Variants in ADGRG5 observed in about 807,000 individuals in gnomAD.
ADGRG5 encodes G protein-coupled receptor 114.
A neutral mutation model predicts 53.2 loss-of-function variants in ADGRG5; 37 were observed. The observed-to-expected ratio is 0.70, with a 90% CI of 0.53 to 0.91. ADGRG5 has a LOEUF of 0.91. Ranked by LOEUF, ADGRG5 falls within the 40% of genes least tolerant of loss-of-function variation. ADGRG5 has a pLI of 0.00. For synonymous variants in ADGRG5, 277 were observed against 290.4 expected, an observed-to-expected ratio of 0.95 and a Z score of 0.47; for missense variants, 614 against 675.8, an observed-to-expected ratio of 0.91 and a Z score of 1.01.
chr16:57,562,702 T>C (rs1284883758), intron 3 of ADGRG5: 1 of 556,224 alleles, frequency 1.8e-6, no homozygotes, highest in Non-Finnish European at 3.2e-6. Context: ...TGGGTCTCCA[T>C]GCATTTTCCT....
At chr16:57,561,371 A>G (rs1227078254) in intron 1 of ADGRG5, among the ~76,000 whole-genome samples, 2 of 152,076 alleles carry the variant, frequency 1.3e-5, no homozygotes, top group African/African-American at 4.8e-5. Context: ...TACCTCTCCC[A>G]TGGTAGGGTA....
chr16:57,531,014 G>A, the ADGRG5 span, among the ~76,000 whole-genome samples: 1 of 151,554 alleles, frequency 6.6e-6, no homozygotes, highest in East Asian at 2.0e-4. Context: ...AGCCTCCCAG[G>A]TGAACCCCCT....
intron 4 of ADGRG5, 99 bp from the exon 5 acceptor site, chr16:57,563,748 AC>A: frequency 6.7e-7 from 1 of 1,484,176 alleles, no homozygotes. Flanking sequence ...GTGGGTGGAA[AC>A]CCCAAGGAAG....
chr16:57,553,918 C>G (rs12708989), intron 1 of ADGRG5, among the ~76,000 whole-genome samples: 61,948 of 151,928 alleles, frequency 0.41, 13,031 homozygotes, highest in East Asian at 0.65. Flanking sequence ...CCATTTTTTT[C>G]TAAGAGTTTC....
chr16:57,575,712 C>G lies in ADGRG5; in HGVS notation c.*174C>G, dbSNP rs6499885. ...CAGGCACTGAGGGGAAGGCATTGCTCTACCTCTCCCTGACATTTTGCTCCG... is the reference window on the plus strand; with the variant it reads ...CAGGCACTGAGGGGAAGGCATTGCTGTACCTCTCCCTGACATTTTGCTCCG... On this transcript the variant is annotated 3_prime_UTR_variant, in exon 12 of 12. Coordinates refer to ENST00000349457, the MANE Select transcript of ADGRG5 (RefSeq NM_001304376.3). The G allele has an allele frequency of 5.1e-6, 3 of 589,150 alleles. No individual in the cohort carries two copies. The highest frequency in any genetic ancestry group is 3.7e-5 in the African/African-American group (2 of 53,490). 36.5% of individuals were successfully genotyped at this position (589,150 alleles called of 1,614,324 possible).
At chr16:57,536,652 GGGCCCCCGAAGCGGTCGCAGGCTGC>G in the ADGRG5 span, 1 of 152,262 alleles carries the variant, frequency 6.6e-6, no homozygotes, top group African/African-American at 2.4e-5. Context: ...GGGAGCGGCG[GGGCCCCCGAAGCGGTCGCAGGCTGC>G]GGCCCCGCTG....
rs1388949326 is a variant in ADGRG5 at position 57,567,573 on chromosome 16, T to C, written c.803T>C (p.Leu268Pro). 6.2e-7 allele frequency: 1 copy of C among 1,611,236 alleles called. No individual in the cohort carries two copies. The highest frequency in any genetic ancestry group is 1.3e-5 in the African/African-American group (1 of 75,028). The change falls in exon 8 of 12, where the codon CTG becomes CCG. Residue 268 changes from leucine to proline, a missense_variant. Coordinates refer to ENST00000349457, the MANE Select transcript of ADGRG5 (RefSeq NM_001304376.3). ...ATCGTGGCCTCGCTGATCACAGTCCTGCTGCACTTCCATTTCAGGTATTCC... is the reference window on the plus strand; with the variant it reads ...ATCGTGGCCTCGCTGATCACAGTCCCGCTGCACTTCCATTTCAGGTATTCC... Reference protein sequence around the residue: ...ISIVASLITVLLHFHFRKQSD... With the variant: ...ISIVASLITVPLHFHFRKQSD...
At chr16:57,552,361 CTGT>C (rs1416525691) in intron 1 of ADGRG5, among the ~76,000 whole-genome samples, 1 of 152,212 alleles carries the variant, frequency 6.6e-6, no homozygotes, top group Middle Eastern at 3.2e-3. Flanking sequence ...CACTGAAATT[CTGT>C]TGTTTAATGT....
chr16:57,533,896 A>G, the ADGRG5 span, among the ~76,000 whole-genome samples: 2 of 152,004 alleles, frequency 1.3e-5, no homozygotes, highest in African/African-American at 4.8e-5. Flanking sequence ...TGGGGTGTCT[A>G]TGTGCGTGGG....
chr16:57,568,295 C>T (rs538461656), intron 9 of ADGRG5, among the ~76,000 whole-genome samples, 171 bp downstream of exon 9: 1 of 151,998 alleles, frequency 6.6e-6, no homozygotes, highest in Non-Finnish European at 1.5e-5. Flanking sequence ...AATTTTATCA[C>T]CTCTTCCACC....
At chr16:57,543,472 G>A (rs1253172086) in intron 1 of ADGRG5, among the ~76,000 whole-genome samples, 1 of 151,918 alleles carries the variant, frequency 6.6e-6, no homozygotes, top group Admixed American at 6.6e-5. Context: ...TAGTAGAGGC[G>A]GGATTTCGCC....
At chr16:57,534,558 CA>C in the ADGRG5 span, among the ~76,000 whole-genome samples, 1 of 152,154 alleles carries the variant, frequency 6.6e-6, no homozygotes, top group African/African-American at 2.4e-5. Flanking sequence ...AGTATGCTCC[CA>C]AAGCACCAGG....
In ADGRG5 at chr16:57,570,447, C is replaced by G. The variant is rs937583855; in HGVS notation, c.1120C>G (p.Leu374Val). Residue 374 changes from leucine (L) to valine (V), a missense_variant, in exon 10 of 12, where the codon CTC (leucine) becomes GTC (valine). Transcript: ENST00000349457. ...CCCAGCCCTCCTGGTGCTGCTTTCC[C>G]TCTCTGTCAAGAGCTCGGTATACGG... ...GAPALLVLLS[L>V]SVKSSVYGPC... 6.2e-7 allele frequency: 1 copy of G among 1,613,248 alleles called. No homozygotes were observed. The highest frequency in any genetic ancestry group is 8.5e-7 in the Non-Finnish European group (1 of 1,179,940).
intron 1 of ADGRG5, among the ~76,000 whole-genome samples, chr16:57,545,289 AT>A (rs1183046104): frequency 3.3e-5 from 5 of 152,254 alleles, no homozygotes; most frequent in African/African-American, 1.2e-4. Context: ...AATTGGATTT[AT>A]ATCTCCCAGT....
intron 5 of ADGRG5, among the ~76,000 whole-genome samples, chr16:57,564,576 A>G (rs2033084380): frequency 6.6e-6 from 1 of 152,226 alleles, no homozygotes; most frequent in African/African-American, 2.4e-5. Context: ...TGCTAGGATT[A>G]TAGGCGTGAG....
chr16:57,534,738 A>G, the ADGRG5 span, among the ~76,000 whole-genome samples: 6 of 152,274 alleles, frequency 3.9e-5, no homozygotes, highest in African/African-American at 1.4e-4. Context: ...AGGTTGAGTC[A>G]TCCTAAAGAT....
chr16:57,573,610 T>A (rs1253549673), intron 10 of ADGRG5, among the ~76,000 whole-genome samples: 1 of 152,224 alleles, frequency 6.6e-6, no homozygotes, highest in Non-Finnish European at 1.5e-5. Context: ...GGTTACTTGA[T>A]GTACACCCTC....
intron 1 of ADGRG5, among the ~76,000 whole-genome samples, chr16:57,554,000 T>C (rs1309966951): frequency 6.6e-6 from 1 of 152,250 alleles, no homozygotes; most frequent in Non-Finnish European, 1.5e-5. Context: ...GGCCTAGTGT[T>C]TCTTTGTGGG....
In ADGRG5 at chr16:57,568,083, A is replaced by G; in HGVS notation, c.1049A>G (p.Tyr350Cys). Residue 350 changes from tyrosine to cysteine, a missense_variant, in exon 9 of 12, where the codon TAC becomes TGC. Physicochemically the swap from Tyr to Cys is radical, Grantham distance 194. Coordinates refer to ENST00000349457, the MANE Select transcript of ADGRG5 (RefSeq NM_001304376.3). ...CTCCTCGGGCGTGTCTACAACATCTACATCCGCAGATATGTGTTCAAGCTT... is the reference window on the plus strand; with the variant it reads ...CTCCTCGGGCGTGTCTACAACATCTGCATCCGCAGATATGTGTTCAAGCTT... ...YLLLGRVYNIYIRRYVFKLGV... is the reference protein window; with the variant it reads ...YLLLGRVYNICIRRYVFKLGV... 3 of 1,613,978 alleles carry G rather than the reference A, an allele frequency of 1.9e-6. No homozygotes were observed. Among genetic ancestry groups the G allele is most frequent in the South Asian group, 2.2e-5 (2 of 91,084 alleles).
Sources: allele counts gnomAD v4.1 joint callset (sites outside exome capture counted in the v4.1 genomes callset), GRCh38; gene constraint gnomAD v4.1.1; transcripts MANE v1.5; gene names NCBI Gene and HGNC (gene_info 2026-07-23, HGNC 2026-07-21).